The following CCDC171 variants were observed in gnomAD, a reference collection of about 807,000 sequenced individuals.
The protein encoded by CCDC171 is coiled-coil domain-containing protein 171.
In CCDC171, 177 loss-of-function variants were observed where a neutral mutation model predicts 168.2. The ratio of observed to expected loss-of-function variants is 1.05; its 90% CI spans 0.93 to 1.19. CCDC171 has a LOEUF of 1.19. Ranked by LOEUF, CCDC171 falls within the 50% of genes most tolerant of loss-of-function variation. The pLI is 0.00. For missense variants in CCDC171, 1,991 were observed against 1,539.0 expected (o/e 1.29, Z -4.91); for synonymous variants, 687 against 540.8 (o/e 1.27, Z -3.75).
At chr9:15,978,230 G>C (rs1370303380), downstream of CCDC171, among the ~76,000 whole-genome samples, 3 of 152,166 alleles carry the variant, frequency 2.0e-5, no homozygotes, top group African/African-American at 7.2e-5. Context: ...CTTGGGCTGA[G>C]GAGTATTAGT....
intron 18 of CCDC171, among the ~76,000 whole-genome samples, chr9:15,770,513 T>A (rs980839017): frequency 1.3e-5 from 2 of 152,184 alleles, no homozygotes; most frequent in Admixed American, 6.5e-5. Flanking sequence ...GTATCATTTG[T>A]CTAAAATGAT....
intron 24 of CCDC171, among the ~76,000 whole-genome samples, chr9:15,879,069 A>G (rs1162872727): frequency 6.6e-6 from 1 of 152,194 alleles, no homozygotes; most frequent in Admixed American, 6.5e-5. Flanking sequence ...CCATTGTGAC[A>G]TGAGTTTACC....
chr9:16,001,861 A>G (rs1241146173), intron 3 of CCDC171, among the ~76,000 whole-genome samples: 3 of 142,448 alleles, frequency 2.1e-5, no homozygotes, highest in Non-Finnish European at 4.5e-5. Context: ...TTTTTGAGAC[A>G]GTGTCTCGCT....
chr9:15,862,273 C>T (rs1270742448), intron 23 of CCDC171, among the ~76,000 whole-genome samples: 1 of 151,264 alleles, frequency 6.6e-6, no homozygotes, highest in African/African-American at 2.4e-5. Flanking sequence ...TTTCTTCCTC[C>T]GACTGGGTGA....
At chr9:15,723,492 A>G (rs565829323) in intron 12 of CCDC171, among the ~76,000 whole-genome samples, 189 bp from the exon 13 acceptor site, 4 of 152,356 alleles carry the variant, frequency 2.6e-5, no homozygotes, top group African/African-American at 9.6e-5. Context: ...AACTTGTGAC[A>G]GAAGCTATAT....
chr9:15,897,461 C>G (rs926547641), intron 24 of CCDC171, among the ~76,000 whole-genome samples: 6 of 151,926 alleles, frequency 3.9e-5, no homozygotes, highest in African/African-American at 1.5e-4. Flanking sequence ...AATAGAGATT[C>G]ATTATTTTGT....
At chr9:15,846,092 C>T (rs1341514688) in intron 21 of CCDC171, among the ~76,000 whole-genome samples, 1 of 151,990 alleles carries the variant, frequency 6.6e-6, no homozygotes, top group Non-Finnish European at 1.5e-5. Flanking sequence ...CATGTTGATC[C>T]TATTTGTGTT....
intron 6 of CCDC171, among the ~76,000 whole-genome samples, chr9:15,611,298 C>T (rs1014665977): frequency 6.6e-6 from 1 of 152,178 alleles, no homozygotes; most frequent in South Asian, 2.1e-4. Context: ...TACCCATTCT[C>T]ACATATTTCT....
In CCDC171 at chr9:15,910,698, C is replaced by T. The variant is rs142510503; in HGVS notation, c.3601-9572C>T. ...TCTCCTAATGCTATCCCTCCCCTAG[C>T]CCCCCACCCCACAACAGGCCCCGGT... On this transcript the variant is annotated intron_variant, in intron 24 of 25. Transcript: ENST00000380701. 6.5e-3 allele frequency among the ~76,000 whole-genome samples: 984 copies of T among 152,004 alleles called. 13 individuals carry two copies. Among genetic ancestry groups the T allele is most frequent in the African/African-American group, 0.022 (928 of 41,434 alleles).
At chr9:15,807,961 C>G (rs1239821915) in intron 21 of CCDC171, among the ~76,000 whole-genome samples, 1 of 151,724 alleles carries the variant, frequency 6.6e-6, no homozygotes, top group African/African-American at 2.4e-5. Flanking sequence ...CCCTATGCTA[C>G]TGGTTGTTCA....
At chr9:15,914,057 G>T (rs2094520) in intron 24 of CCDC171, among the ~76,000 whole-genome samples, 128,048 of 152,148 alleles carry the variant, frequency 0.84, 54,043 homozygotes, top group East Asian at 0.96. Context: ...CAGCCGGAGC[G>T]CTTGTATATG....
At chr9:15,585,916 C>T (rs777229466) in intron 4 of CCDC171, among the ~76,000 whole-genome samples, 2 of 152,100 alleles carry the variant, frequency 1.3e-5, no homozygotes, top group African/African-American at 4.8e-5. Context: ...ACAGAAGTTG[C>T]AGTGAGCTGA....
At chr9:15,813,072 C>A (rs2059424418) in intron 21 of CCDC171, among the ~76,000 whole-genome samples, 1 of 152,068 alleles carries the variant, frequency 6.6e-6, no homozygotes, top group Non-Finnish European at 1.5e-5. Context: ...TATTTGGTGG[C>A]CAAAAACGCA....
rs1025020987 is a variant in CCDC171, at chr9:15,592,953, A to C, written c.544-1088A>C. Among the ~76,000 whole-genome samples the C allele has an allele frequency of 7.8e-4, 119 of 152,088 alleles. 1 individual carries two copies. Among genetic ancestry groups the C allele is most frequent in the African/African-American group, 2.7e-3 (110 of 41,476 alleles). ...TTAGTTACATATGTATACATGTGCC[A>C]TGCTGGTGTGCTGCACCCATTAACT... On this transcript the variant is annotated intron_variant, in intron 5 of 25. Coordinates refer to ENST00000380701, the MANE Select transcript of CCDC171 (RefSeq NM_173550.4).
At chr9:15,821,105 A>T (rs1347309222) in intron 21 of CCDC171, among the ~76,000 whole-genome samples, 1 of 117,740 alleles carries the variant, frequency 8.5e-6, no homozygotes, top group Non-Finnish European at 1.9e-5. Flanking sequence ...ATCTCAATAG[A>T]TGCAGAAAAG....
At chr9:15,799,338 T>C (rs1209789576) in intron 21 of CCDC171, among the ~76,000 whole-genome samples, 4 of 151,356 alleles carry the variant, frequency 2.6e-5, no homozygotes, top group Non-Finnish European at 4.4e-5. Context: ...AAATATGTTG[T>C]TCCCTTCTCT....
intron 23 of CCDC171, among the ~76,000 whole-genome samples, chr9:15,854,519 T>C (rs967688883): frequency 1.3e-5 from 2 of 151,628 alleles, no homozygotes; most frequent in Admixed American, 1.3e-4. Context: ...TATTTGTCTT[T>C]TTAAGGGTCC....
chr9:15,846,296 T>A (rs1292994912), intron 21 of CCDC171, among the ~76,000 whole-genome samples: 1 of 152,060 alleles, frequency 6.6e-6, no homozygotes, highest in Non-Finnish European at 1.5e-5. Flanking sequence ...ACATGCATAG[T>A]TTGGGCATAT....
intron 7 of CCDC171, among the ~76,000 whole-genome samples, chr9:15,632,549 A>C (rs925815493): frequency 4.6e-5 from 7 of 152,202 alleles, no homozygotes; most frequent in African/African-American, 9.6e-5. Flanking sequence ...AGAACATTCC[A>C]TGCTCATGGG....
Sources: allele counts gnomAD v4.1 joint callset (sites outside exome capture counted in the v4.1 genomes callset), GRCh38; gene constraint gnomAD v4.1.1; transcripts MANE v1.5; gene names NCBI Gene and HGNC (gene_info 2026-07-23, HGNC 2026-07-21).